PLXNA3: variants seen among roughly 807,000 people sequenced by gnomAD.
PLXNA3 encodes the protein plexin-A3.
Under a neutral mutation model 118.8 loss-of-function variants are expected in PLXNA3, and 52 were observed. That is an observed-to-expected ratio of 0.44 (90% CI 0.35 to 0.55). The LOEUF (loss-of-function observed/expected upper bound fraction) is 0.55, where lower values mean the gene tolerates loss of function less well. Ranked by LOEUF, PLXNA3 falls within the 20% of genes least tolerant of loss-of-function variation. The pLI, the probability that PLXNA3 is intolerant of heterozygous loss-of-function variation, is 0.01. For synonymous variants in PLXNA3, 925 were observed against 762.4 expected (o/e 1.21, Z -3.51); for missense variants, 1,660 against 1,730.8 (o/e 0.96, Z 0.73).
In PLXNA3 at chrX:154,474,089, C is replaced by T. The variant is rs2069218671; in HGVS notation, c.*1404C>T. ...TGTGGCACCCATCATGGTGCACCTACCAAAGTCTTACTCCCAGGCCTGTTA... is the reference window on the plus strand; with the variant it reads ...TGTGGCACCCATCATGGTGCACCTATCAAAGTCTTACTCCCAGGCCTGTTA... On this transcript the variant is annotated 3_prime_UTR_variant, in exon 33 of 33. Transcript: ENST00000369682. The T allele has an allele frequency of 8.9e-6, 1 of 111,939 alleles. No homozygotes were observed. Among genetic ancestry groups the T allele is most frequent in the Non-Finnish European group, 1.9e-5 (1 of 53,196 alleles). The allele number at this position is 111,939 out of a possible 1,213,427, so 9.2% of individuals were successfully genotyped here.
Position 154,467,305 on chromosome X carries a change from G to C in PLXNA3, c.3275G>C (p.Arg1092Pro), listed in dbSNP as rs782513504. ...ATCTTTCTTGGGCGGCCCCAGCCTC[G>C]GGCGCAAGGCGAGCACCCTGATGAG... is the stretch of plus-strand genomic sequence containing the variant. The part of the protein sequence containing the change: ...PGIFLGRPQP[R>P]AQGEHPDEFG... The change falls in exon 19 of 33, where the codon CGG becomes CCG. Residue 1092 changes from arginine (R) to proline (P), a missense_variant. By Grantham distance (103) the Arg-to-Pro change is moderately radical (BLOSUM62 -2). This residue lies in a region of PLXNA3 where 869 missense variants were observed against 1,078.7 expected (regional missense o/e 0.81). Coordinates refer to ENST00000369682, the MANE Select transcript of PLXNA3 (RefSeq NM_017514.5). 3.3e-6 allele frequency: 4 copies of C among 1,208,134 alleles called. No individual in the cohort carries two copies. In the Admixed American group the frequency reaches 8.7e-5, roughly 26 times the overall value.
chrX:154,461,029 G>C, intron 2 of PLXNA3, 70 bp from the exon 3 acceptor site: 1 of 964,641 alleles, frequency 1.0e-6, no homozygotes, highest in Non-Finnish European at 1.4e-6. Context: ...GATGCAGAGG[G>C]AAGCTGGCGG....
chrX:154,460,063 C>T (rs781911352), intron 1 of PLXNA3, 94 bp from the exon 2 acceptor site: 33 of 491,093 alleles, frequency 6.7e-5, no homozygotes, highest in South Asian at 1.5e-4. Context: ...CTCCCTGTCA[C>T]GGTGGCCATC....
Position 154,461,257 on chromosome X carries a change from C to T in PLXNA3, c.753C>T (p.Asp251=). The T allele has an allele frequency of 8.2e-7, 1 of 1,212,332 alleles. No homozygotes were observed. The highest frequency in any genetic ancestry group is 1.1e-6 in the Non-Finnish European group (1 of 895,405). Residue 251 remains aspartate (D), a synonymous_variant, in exon 3 of 33, where the codon GAC becomes GAT. Coordinates refer to ENST00000369682, the MANE Select transcript of PLXNA3 (RefSeq NM_017514.5). ...LQLDTQQTLL[D]TAGEKFFTSK... The stretch of plus-strand genomic sequence containing the variant: ...TGGACACCCAGCAGACGCTGTTGGA[C>T]ACAGCGGGCGAGAAATTTTTCACGT...
rs374885337 is a variant in PLXNA3 at position 154,466,056 on chromosome X, C to T, written c.2654C>T (p.Pro885Leu). 1.4e-5 allele frequency: 17 copies of T among 1,207,875 alleles called. No homozygotes were observed. In the African/African-American group the frequency reaches 1.7e-4, roughly 12 times the overall value. ...GCTGGCGTGCGTTGCAACTCCATTC[C>T]GGCCGAGTACATCAGTGCTGAGAGG... Reference protein sequence around the residue: ...RVAGVRCNSIPAEYISAERIV... With the variant: ...RVAGVRCNSILAEYISAERIV... The change falls in exon 14 of 33, where the codon CCG (proline) becomes CTG (leucine). Residue 885 changes from proline to leucine, a missense_variant. By Grantham distance (98) the Pro-to-Leu change is moderately conservative. Coordinates refer to ENST00000369682, the MANE Select transcript of PLXNA3 (RefSeq NM_017514.5).
At chrX:154,459,167 C>G (rs1236951815) in intron 1 of PLXNA3, among the ~76,000 whole-genome samples, 5 of 61,459 alleles carry the variant, frequency 8.1e-5, no homozygotes, top group East Asian at 9.3e-4. Context: ...ACCCCCCGCT[C>G]CCCCCCCGCC....
rs781892365 is a variant in PLXNA3 at position 154,464,593 on chromosome X, T to G, written c.1928+92T>G. On this transcript the variant is annotated intron_variant, in intron 9 of 32. Coordinates refer to ENST00000369682, the MANE Select transcript of PLXNA3 (RefSeq NM_017514.5). ...CTTCAGGGCAGCTGTTTCTGGGGCA[T>G]CAGGGGCTAACTGTCAGGCCCTGAT... 71 of 804,083 alleles carry G rather than the reference T, an allele frequency of 8.8e-5. No individual in the cohort carries two copies. In the African/African-American group the frequency reaches 1.0e-3, roughly 11 times the overall value. 66.3% of individuals were successfully genotyped at this position (804,083 alleles called of 1,213,427 possible). A position where few individuals can be genotyped will look rare whatever the true frequency, so the allele number is the denominator to read the frequency against.
chrX:154,464,349 T>C, intron 8 of PLXNA3, 36 bp downstream of exon 8: 2 of 1,200,635 alleles, frequency 1.7e-6, no homozygotes, highest in African/African-American at 1.7e-5. Flanking sequence ...TGGGGCAGAG[T>C]GGGGCCTCTC....
At chrX:154,469,815 C>T (rs782653216) in intron 28 of PLXNA3, 31 bp downstream of exon 28, 2 of 1,153,997 alleles carry the variant, frequency 1.7e-6, no homozygotes, top group Non-Finnish European at 2.4e-6. Flanking sequence ...GGCCATGTGC[C>T]CTTCGAGGGA....
rs2068979662 is a variant in PLXNA3, at chrX:154,462,128, C to T, written c.1135C>T (p.Pro379Ser). 8.4e-7 allele frequency: 1 copy of T among 1,189,019 alleles called. No individual in the cohort carries two copies. The highest frequency in any genetic ancestry group is 1.1e-6 in the Non-Finnish European group (1 of 883,071). Residue 379 changes from proline (P) to serine (S), a missense_variant and splice_region_variant, in exon 4 of 33, where the codon CCC becomes TCC. By Grantham distance (74) the Pro-to-Ser change is moderately conservative. Transcript: ENST00000369682. ...LNKELPCINT[P>S]MQINGNFCGL... The stretch of plus-strand genomic sequence containing the variant: ...ACGGGTTCCTCCTCTGTTTCACCAG[C>T]CCATGCAGATCAACGGCAACTTCTG...
Position 154,460,373 on chromosome X carries a change from C to T in PLXNA3, c.190C>T (p.Arg64Trp), listed in dbSNP as rs150180614. The part of the protein sequence containing the change: ...FKLAPNLTEL[R>W]AHVTGPVEDN... ...GCTGGCCCCCAACCTGACTGAGCTG[C>T]GGGCCCATGTCACGGGGCCCGTCGA... is the stretch of plus-strand genomic sequence containing the variant. The change falls in exon 2 of 33, where the codon CGG (arginine) becomes TGG (tryptophan). Residue 64 changes from arginine to tryptophan, a missense_variant. Coordinates refer to ENST00000369682, the MANE Select transcript of PLXNA3 (RefSeq NM_017514.5). 197 of 1,208,411 alleles carry T rather than the reference C, an allele frequency of 1.6e-4. No homozygotes were observed. Among genetic ancestry groups the T allele is most frequent in the Admixed American group, 1.1e-3 (50 of 45,875 alleles).
chrX:154,464,650 C>G, intron 9 of PLXNA3, 104 bp from the exon 10 acceptor site: 1 of 698,109 alleles, frequency 1.4e-6, no homozygotes, highest in Admixed American at 3.1e-5. Flanking sequence ...TCTCTGTCCC[C>G]TGATATGGCT....
intron 9 of PLXNA3, 112 bp downstream of exon 9, chrX:154,464,613 C>T: frequency 2.9e-6 from 2 of 695,296 alleles, no homozygotes; most frequent in South Asian, 2.6e-5. Context: ...ACTGTCAGGC[C>T]CTGATAGCCC....
rs1290019681 is a variant in PLXNA3 at position 154,467,539 on chromosome X, C to T, written c.3442-6C>T. On this transcript the variant is annotated splice_region_variant and splice_polypyrimidine_tract_variant and intron_variant, in intron 19 of 32. Coordinates refer to ENST00000369682, the MANE Select transcript of PLXNA3 (RefSeq NM_017514.5). ...GTCCTGGGCTGAAGTTGTCCTCCAC[C>T]CCCAGGGCAAGAACCTGATTCCCGC... 5 of 1,172,646 alleles carry T rather than the reference C, an allele frequency of 4.3e-6. No individual in the cohort carries two copies. The highest frequency in any genetic ancestry group is 1.9e-5 in the South Asian group (1 of 52,973).
Position 154,466,026 on chromosome X carries a change from G to C in PLXNA3, c.2624G>C (p.Arg875Pro). ...CTCTTGTCCCGAGAGGTGGGCCTGC[G>C]GGTGGCTGGCGTGCGTTGCAACTCC... The part of the protein sequence containing the change: ...LGLLSREVGL[R>P]VAGVRCNSIP... Residue 875 changes from arginine to proline, a missense_variant, in exon 14 of 33, where the codon CGG becomes CCG. By Grantham distance (103) the Arg-to-Pro change is moderately radical (BLOSUM62 -2). Transcript: ENST00000369682. The C allele has an allele frequency of 3.3e-6, 4 of 1,210,550 alleles. No homozygotes were observed. Among genetic ancestry groups the C allele is most frequent in the Non-Finnish European group, 4.5e-6 (4 of 894,719 alleles).
At chrX:154,463,244 T>G in intron 4 of PLXNA3, 147 bp from the exon 5 acceptor site, 1 of 774,946 alleles carries the variant, frequency 1.3e-6, no homozygotes, top group South Asian at 2.2e-5. Context: ...ACCCTCCTTT[T>G]TTTGGCCTCC....
chrX:154,461,910 GTCTTGTGGGCCCAGGCT>G (rs1216767831), intron 3 of PLXNA3, among the ~76,000 whole-genome samples: 9 of 112,173 alleles, frequency 8.0e-5, no homozygotes, highest in Admixed American at 1.9e-4. Flanking sequence ...GCCAACAAGA[GTCTTGTGGGCCCAGGCT>G]TCGCTCCTCG....
At position 154,473,079 on chromosome X, in the gene PLXNA3, TGA is replaced by T. The variant is rs1461198843; in HGVS notation, c.*396_*397del. The T allele has an allele frequency of 2.2e-5, 3 of 137,206 alleles. No individual in the cohort carries two copies. The highest frequency in any genetic ancestry group is 4.5e-5 in the Non-Finnish European group (3 of 67,181). The allele number at this position is 137,206 out of a possible 1,213,427, so 11.3% of individuals were successfully genotyped here. On this transcript the variant is annotated 3_prime_UTR_variant, in exon 33 of 33. Coordinates refer to ENST00000369682, the MANE Select transcript of PLXNA3 (RefSeq NM_017514.5). ...CCACCCTCACTCACCTGCCTCTTCT[TGA>T]GCTGTCCTGGGCCCTGCCACCCGTC...
chrX:154,461,730 C>T lies in PLXNA3; in HGVS notation c.1134+92C>T, dbSNP rs1044725743. ...TCACGGCCAGTCATCCTGTCCCAGG[C>T]TTTGCCATGGCCCTGGGAGTGGCAC... On this transcript the variant is annotated intron_variant, in intron 3 of 32. Coordinates refer to ENST00000369682, the MANE Select transcript of PLXNA3 (RefSeq NM_017514.5). 25 of 918,062 alleles carry T rather than the reference C, an allele frequency of 2.7e-5. No homozygotes were observed. In the African/African-American group the frequency reaches 4.9e-4, roughly 18 times the overall value. The allele number at this position is 918,062 out of a possible 1,213,427, so 75.7% of individuals were successfully genotyped here. A position where few individuals can be genotyped will look rare whatever the true frequency, so the allele number is the denominator to read the frequency against.
Sources: allele counts gnomAD v4.1 joint callset (sites outside exome capture counted in the v4.1 genomes callset), GRCh38; gene constraint gnomAD v4.1.1; regional missense constraint gnomAD v4.1.1; transcripts MANE v1.5; gene names NCBI Gene and HGNC (gene_info 2026-07-23, HGNC 2026-07-21).